The following CACNG2 variants were observed in gnomAD, a reference collection of about 807,000 sequenced individuals.
CACNG2 encodes calcium voltage-gated channel auxiliary subunit gamma 2.
In CACNG2, 3 loss-of-function variants were observed where a neutral mutation model predicts 25.9. The ratio of observed to expected loss-of-function variants is 0.12; its 90% CI spans 0.05 to 0.30. CACNG2 has a LOEUF of 0.30. Among genes scored for constraint, CACNG2 ranks in the 10% least tolerant of loss-of-function variants. The pLI, the probability that CACNG2 is intolerant of heterozygous loss-of-function variation, is 1.00. For missense variants in CACNG2, 341 were observed against 432.5 expected, an observed-to-expected ratio of 0.79 and a Z score of 1.88; for synonymous variants, 167 against 173.3, an observed-to-expected ratio of 0.96 and a Z score of 0.29.
chr22:36,642,709 C>G (rs1055930188), intron 1 of CACNG2, among the ~76,000 whole-genome samples: 6 of 152,206 alleles, frequency 3.9e-5, no homozygotes, highest in Non-Finnish European at 4.4e-5. Flanking sequence ...ACAGACTACA[C>G]TGTGAGAAGC....
intron 1 of CACNG2, among the ~76,000 whole-genome samples, chr22:36,659,558 T>C (rs1010494123): frequency 6.8e-6 from 1 of 146,640 alleles, no homozygotes; most frequent in Non-Finnish European, 1.5e-5. Context: ...GGTTCTCTCC[T>C]GTGACCCGGG....
At chr22:36,605,265 G>A (rs1483681265) in intron 1 of CACNG2, among the ~76,000 whole-genome samples, 4 of 152,098 alleles carry the variant, frequency 2.6e-5, no homozygotes, top group African/African-American at 9.7e-5. Flanking sequence ...AGTAGAGATG[G>A]GGTTTCACCA....
chr22:36,680,289 C>T (rs561823248), intron 1 of CACNG2, among the ~76,000 whole-genome samples: 70 of 151,992 alleles, frequency 4.6e-4, no homozygotes, highest in African/African-American at 1.6e-3. Context: ...TCACCACCAC[C>T]TTCATGATCA....
chr22:36,648,923 A>T (rs1601435450), intron 1 of CACNG2, among the ~76,000 whole-genome samples: 1 of 152,112 alleles, frequency 6.6e-6, no homozygotes, highest in East Asian at 1.9e-4. Context: ...CCTCCCATCC[A>T]TCCTTCCCTC....
At chr22:36,647,596 C>CA (rs34930900) in intron 1 of CACNG2, among the ~76,000 whole-genome samples, 3,874 of 149,404 alleles carry the variant, frequency 0.026, 77 homozygotes, top group Non-Finnish European at 0.04. Flanking sequence ...AACTCCATAT[C>CA]AAAAAAAAAA....
In CACNG2 at chr22:36,564,136, C is replaced by T. The variant is rs1935078963; in HGVS notation, c.*215G>A. 11 of 439,536 alleles carry T rather than the reference C, an allele frequency of 2.5e-5. No individual in the cohort carries two copies. The highest frequency in any genetic ancestry group is 5.3e-5 in the South Asian group (1 of 18,920). The allele number at this position is 439,536 out of a possible 1,614,324, so 27.2% of individuals were successfully genotyped here. On this transcript the variant is annotated 3_prime_UTR_variant, in exon 4 of 4. Coordinates refer to ENST00000300105, the MANE Select transcript of CACNG2 (RefSeq NM_006078.5). The surrounding 1 kb of genome is among the most constrained non-coding windows in gnomAD (Gnocchi z 6.7). ...TTCCTGTTGTTTTGCTTCTTTGTTC[C>T]TCTTATATTTTGTTCTTTTTTTTAA... is the stretch of plus-strand genomic sequence containing the variant.
chr22:36,611,117 C>T (rs916215683), intron 1 of CACNG2, among the ~76,000 whole-genome samples: 2 of 152,108 alleles, frequency 1.3e-5, no homozygotes, highest in African/African-American at 4.8e-5. Flanking sequence ...CTTGGCAAGC[C>T]CTTCAATTAG....
At chr22:36,667,732 A>G (rs1253498044) in intron 1 of CACNG2, among the ~76,000 whole-genome samples, 1 of 152,166 alleles carries the variant, frequency 6.6e-6, no homozygotes, top group African/African-American at 2.4e-5. Context: ...GCCTCTGAAC[A>G]GAGAGGCATA....
At chr22:36,647,218 T>G (rs1009833883) in intron 1 of CACNG2, among the ~76,000 whole-genome samples, 9 of 152,188 alleles carry the variant, frequency 5.9e-5, no homozygotes, top group African/African-American at 2.2e-4. Context: ...TCTGGACACC[T>G]GCAGTGACCT....
chr22:36,585,999 G>C (rs1475115406), intron 2 of CACNG2, among the ~76,000 whole-genome samples: 1 of 152,274 alleles, frequency 6.6e-6, no homozygotes, highest in Admixed American at 6.5e-5. Flanking sequence ...GATAAAGCAT[G>C]ACATCATTCG....
At position 36,598,581 on chromosome 22, in the gene CACNG2, G is replaced by T. The variant is rs150988150; in HGVS notation, c.212-11033C>A. Among the ~76,000 whole-genome samples, 520 of 151,832 alleles carry T rather than the reference G, an allele frequency of 3.4e-3. 3 individuals carry two copies. Among genetic ancestry groups the T allele is most frequent in the African/African-American group, 0.012 (503 of 41,410 alleles). ...TGCAGTGAGCCGAGATTGTGCCATT[G>T]TACTCCAGCCTTGGTGACAAGAGCA... On this transcript the variant is annotated intron_variant, in intron 1 of 3. Transcript: ENST00000300105.
At chr22:36,637,138 G>A (rs780842537) in intron 1 of CACNG2, among the ~76,000 whole-genome samples, 9 of 152,358 alleles carry the variant, frequency 5.9e-5, no homozygotes, top group Middle Eastern at 3.4e-3. Context: ...TTTGTCTTGG[G>A]AAGTGGCCTG....
chr22:36,582,942 C>T (rs562555891), intron 2 of CACNG2, among the ~76,000 whole-genome samples: 8 of 152,092 alleles, frequency 5.3e-5, no homozygotes, highest in Non-Finnish European at 8.8e-5. Flanking sequence ...ATTGCTCACA[C>T]TTACAAGTGA....
At chr22:36,641,637 G>A (rs760616894) in intron 1 of CACNG2, among the ~76,000 whole-genome samples, 6 of 152,206 alleles carry the variant, frequency 3.9e-5, no homozygotes, top group Non-Finnish European at 7.3e-5. Context: ...GGCCAGCTCT[G>A]TTTAGGTCTG....
chr22:36,642,007 C>T (rs1002012919), intron 1 of CACNG2, among the ~76,000 whole-genome samples: 17 of 152,124 alleles, frequency 1.1e-4, no homozygotes, highest in African/African-American at 2.7e-4. Flanking sequence ...GAAAGACAAG[C>T]GCTCCCTGCC....
chr22:36,610,052 A>G (rs1344294049), intron 1 of CACNG2, among the ~76,000 whole-genome samples: 1 of 150,962 alleles, frequency 6.6e-6, no homozygotes, highest in Non-Finnish European at 1.5e-5. Context: ...TCAGGCAGGA[A>G]TCAGCACCCC....
chr22:36,572,683 T>G (rs1935251937), intron 2 of CACNG2, among the ~76,000 whole-genome samples: 1 of 145,578 alleles, frequency 6.9e-6, no homozygotes, highest in Non-Finnish European at 1.5e-5. Context: ...GCCTGGGCAG[T>G]GGGTGACAGA....
chr22:36,594,828 A>C (rs1935651381), intron 1 of CACNG2, among the ~76,000 whole-genome samples: 1 of 120,012 alleles, frequency 8.3e-6, no homozygotes, highest in African/African-American at 3.2e-5. Context: ...GTGTGTGTAC[A>C]TCGGTGTGTG....
intron 1 of CACNG2, among the ~76,000 whole-genome samples, chr22:36,619,166 G>A (rs1187381149): frequency 6.6e-6 from 1 of 152,180 alleles, no homozygotes; most frequent in Non-Finnish European, 1.5e-5. Flanking sequence ...CTATGTGGCA[G>A]AGGCAGGATT....
Sources: allele counts gnomAD v4.1 joint callset (sites outside exome capture counted in the v4.1 genomes callset), GRCh38; gene constraint gnomAD v4.1.1; non-coding constraint Gnocchi (gnomAD v3.1); transcripts MANE v1.5; gene names NCBI Gene and HGNC (gene_info 2026-07-23, HGNC 2026-07-21).